The following CPLANE1 variants were observed in gnomAD, a reference collection of about 807,000 sequenced individuals.
CPLANE1 encodes the protein ciliogenesis and planar polarity effector complex subunit 1.
A neutral mutation model predicts 362.5 loss-of-function variants in CPLANE1; 263 were observed. The ratio of observed to expected loss-of-function variants is 0.73; its 90% CI spans 0.66 to 0.80. CPLANE1 has a LOEUF of 0.80. Ranked by LOEUF, CPLANE1 falls within the 30% of genes least tolerant of loss-of-function variation. The probability of loss-of-function intolerance (pLI) is 0.00; values close to 1 mark genes in which losing one functional copy is unlikely to be tolerated. For synonymous variants in CPLANE1, 1,212 were observed against 1,302.6 expected (o/e 0.93, Z 1.50); for missense variants, 3,461 against 3,793.4 (o/e 0.91, Z 2.30).
chr5:37,196,454 T>C (rs1245847555), intron 20 of CPLANE1, among the ~76,000 whole-genome samples: 1 of 152,160 alleles, frequency 6.6e-6, no homozygotes, highest in Non-Finnish European at 1.5e-5. Flanking sequence ...ATAATGACTC[T>C]AGGCAAGGAT....
At chr5:37,089,851 A>G in the CPLANE1 span, among the ~76,000 whole-genome samples, 1 of 152,318 alleles carries the variant, frequency 6.6e-6, no homozygotes, top group South Asian at 2.1e-4. Context: ...TAGTCCTGCC[A>G]TGTGTCAGTA....
rs1364512527 is a variant in CPLANE1, at chr5:37,148,241, A to G, written c.8401T>C (p.Ser2801Pro). 2 of 1,612,238 alleles carry G rather than the reference A, an allele frequency of 1.2e-6. No individual in the cohort carries two copies. Among genetic ancestry groups the G allele is most frequent in the South Asian group, 2.2e-5 (2 of 90,630 alleles). ...KIGPVDHIEF[S>P]SGPEFKKTLA... ...GTTTTTTTGAATTCAGGGCCAGAAG[A>G]GAATTCAATGTGATCCACTGGTCCA... Residue 2801 changes from serine to proline, a missense_variant, in exon 43 of 53, where the codon TCT (serine) becomes CCT (proline). By Grantham distance (74) the Ser-to-Pro change is moderately conservative (BLOSUM62 -1). Coordinates refer to ENST00000651892, the MANE Select transcript of CPLANE1 (RefSeq NM_001384732.1).
At chr5:37,235,872 T>C (rs973355012) in intron 8 of CPLANE1, among the ~76,000 whole-genome samples, 2 of 142,110 alleles carry the variant, frequency 1.4e-5, no homozygotes, top group East Asian at 2.0e-4. Context: ...GCCCAGCACT[T>C]TTTTTTTTTT....
At position 37,226,639 on chromosome 5, in the gene CPLANE1, T is replaced by C; in HGVS notation, c.1956A>G (p.Arg652=). The change falls in exon 12 of 53, where the codon AGA becomes AGG. Residue 652 remains arginine (R), a synonymous_variant. Transcript: ENST00000651892. ...TCAAATGCCCCACATCTTGTTTGTA[T>C]CTTATATCCCAATAATGGATTGATA... The part of the protein sequence containing the change: ...QCLSIHYWDI[R]YKQDVGHLIK... 1.9e-6 allele frequency: 3 copies of C among 1,551,454 alleles called. No homozygotes were observed. The highest frequency in any genetic ancestry group is 2.6e-6 in the Non-Finnish European group (3 of 1,146,872).
chr5:37,232,454 T>C (rs1165633429), intron 8 of CPLANE1, among the ~76,000 whole-genome samples: 2 of 147,458 alleles, frequency 1.4e-5, no homozygotes, highest in Non-Finnish European at 3.0e-5. Context: ...GAAGCAGAGG[T>C]TGCAGTGAGA....
intron 43 of CPLANE1, among the ~76,000 whole-genome samples, chr5:37,147,462 ATGAG>A (rs1442133611): frequency 2.6e-5 from 4 of 152,246 alleles, no homozygotes; most frequent in Admixed American, 6.5e-5. Flanking sequence ...CCAGATGATG[ATGAG>A]TATCAACATT....
chr5:37,079,000 T>C, the CPLANE1 span, among the ~76,000 whole-genome samples: 1 of 152,222 alleles, frequency 6.6e-6, no homozygotes, highest in Admixed American at 6.5e-5. Flanking sequence ...ATTCTGTAAG[T>C]TGTCTACTTG....
At chr5:37,225,913 C>A (rs1796378999) in intron 12 of CPLANE1, among the ~76,000 whole-genome samples, 1 of 143,552 alleles carries the variant, frequency 7.0e-6, no homozygotes, top group Non-Finnish European at 1.5e-5. Flanking sequence ...AAACCAAAAT[C>A]TTTCAAGATC....
intron 44 of CPLANE1, chr5:37,140,775 C>A: frequency 1.0e-6 from 1 of 985,272 alleles, no homozygotes; most frequent in Non-Finnish European, 1.2e-6. Context: ...ATTAGTAACC[C>A]AGGATCACTA....
chr5:37,182,638 A>G (rs1476655684), intron 26 of CPLANE1, 122 bp downstream of exon 26: 1 of 687,578 alleles, frequency 1.5e-6, no homozygotes, highest in Non-Finnish European at 2.3e-6. Flanking sequence ...TACTGATTAT[A>G]ATCAACATTG....
chr5:37,078,030 A>T, the CPLANE1 span, among the ~76,000 whole-genome samples: 3 of 152,206 alleles, frequency 2.0e-5, no homozygotes, highest in Non-Finnish European at 4.4e-5. Flanking sequence ...GATTACAGGT[A>T]GAAACCACTA....
At chr5:37,093,429 AAAC>A in the CPLANE1 span, among the ~76,000 whole-genome samples, 1 of 152,188 alleles carries the variant, frequency 6.6e-6, no homozygotes, top group South Asian at 2.1e-4. Context: ...GGATGAGGTG[AAAC>A]AACACCTCTG....
chr5:37,170,135 G>T lies in CPLANE1; in HGVS notation c.6368C>A (p.Ser2123Ter). 6.2e-7 allele frequency: 1 copy of T among 1,614,114 alleles called. No homozygotes were observed. The highest frequency in any genetic ancestry group is 8.5e-7 in the Non-Finnish European group (1 of 1,180,022). The change falls in exon 33 of 53, where the codon TCA (serine) becomes TAA (stop). Residue 2123 changes from serine to a stop codon, truncating the protein, a stop_gained. Coordinates refer to ENST00000651892, the MANE Select transcript of CPLANE1 (RefSeq NM_001384732.1). LOFTEE classifies it high-confidence loss of function. ...LKERFFIKPQ[S>*]MGENAREPRK... ...AGGCTCTCTGGCGTTCTCTCCCATT[G>T]ACTGTGGTTTAATAAAAAATCTCTC...
chr5:37,151,008 C>T (rs544343064), intron 42 of CPLANE1, among the ~76,000 whole-genome samples: 1 of 152,344 alleles, frequency 6.6e-6, no homozygotes, highest in East Asian at 1.9e-4. Flanking sequence ...GTCTGCATAT[C>T]TGATAATATC....
chr5:37,208,192 G>C (rs772544451), intron 16 of CPLANE1, among the ~76,000 whole-genome samples: 1 of 152,062 alleles, frequency 6.6e-6, no homozygotes, highest in Non-Finnish European at 1.5e-5. Context: ...TCAAGCAATC[G>C]GCCTGGCTTC....
At chr5:37,122,580 A>T in intron 47 of CPLANE1, 92 bp from the exon 48 acceptor site, 1 of 941,972 alleles carries the variant, frequency 1.1e-6, no homozygotes, top group East Asian at 2.7e-5. Context: ...ACAGTACAAA[A>T]CACTGTCGTG....
chr5:37,212,251 AC>A, intron 16 of CPLANE1: 3 of 1,430,668 alleles, frequency 2.1e-6, no homozygotes, highest in Admixed American at 3.3e-5. Flanking sequence ...ATCCAGCAAG[AC>A]CAGGAGTCGG....
At chr5:37,159,915 ACTT>A (rs1776392364) in intron 38 of CPLANE1, among the ~76,000 whole-genome samples, 1 of 152,178 alleles carries the variant, frequency 6.6e-6, no homozygotes, top group African/African-American at 2.4e-5. Context: ...TTCAGAAACA[ACTT>A]CTTGAGAAGT....
chr5:37,121,744 C>G lies in CPLANE1; in HGVS notation c.9058G>C (p.Ala3020Pro). 2 of 1,614,036 alleles carry G rather than the reference C, an allele frequency of 1.2e-6. No homozygotes were observed. The highest frequency in any genetic ancestry group is 1.7e-6 in the Non-Finnish European group (2 of 1,179,908). The change falls in exon 49 of 53, where the codon GCG becomes CCG. Residue 3020 changes from alanine (A) to proline (P), a missense_variant. Ala to Pro is a conservative substitution (Grantham distance 27, BLOSUM62 -1). This residue lies in a region of CPLANE1 where 3,380 missense variants were observed against 3,666.1 expected (regional missense o/e 0.92). Coordinates refer to ENST00000651892, the MANE Select transcript of CPLANE1 (RefSeq NM_001384732.1). The stretch of plus-strand genomic sequence containing the variant: ...AACAGTTCATTCATCAGACCGTACG[C>G]TTGTGAGATTCGACGACTATAGTGT... ...SEHYSRRISQAYGLMNELLSE... is the reference protein window; with the variant it reads ...SEHYSRRISQPYGLMNELLSE...
Sources: allele counts gnomAD v4.1 joint callset (sites outside exome capture counted in the v4.1 genomes callset), GRCh38; gene constraint gnomAD v4.1.1; regional missense constraint gnomAD v4.1.1; transcripts MANE v1.5; gene names NCBI Gene and HGNC (gene_info 2026-07-23, HGNC 2026-07-21).